IFT88: variants seen among roughly 807,000 people sequenced by gnomAD.
IFT88 encodes intraflagellar transport 88, also known as intraflagellar transport protein 88 homolog.
Under a neutral mutation model 119.5 loss-of-function variants are expected in IFT88, and 74 were observed. The ratio of observed to expected loss-of-function variants is 0.62; its 90% CI spans 0.51 to 0.75. The LOEUF is 0.75. IFT88 is among the 30% of genes least tolerant of loss of function. IFT88 has a pLI of 0.00. For missense variants in IFT88, 961 were observed against 977.7 expected (o/e 0.98, Z 0.23); for synonymous variants, 279 against 316.7 (o/e 0.88, Z 1.26).
At chr13:20,640,790 C>T (rs2049813009) in intron 17 of IFT88, among the ~76,000 whole-genome samples, 2 of 151,922 alleles carry the variant, frequency 1.3e-5, no homozygotes, top group African/African-American at 2.4e-5. Context: ...ATCACTGAAG[C>T]TTTGTAGCAT....
In IFT88 at chr13:20,615,839, G is replaced by A. The variant is rs749518522; in HGVS notation, c.1159G>A (p.Ala387Thr). ...KYIMTSAKLI[A>T]PVIETSFAAG... ...TATTATGACATCTGCAAAACTCATT[G>A]CTCCTGTAATTGAAACATCTTTTGC... The change falls in exon 14 of 26, where the codon GCT becomes ACT. Residue 387 changes from alanine (A) to threonine (T), a missense_variant. Ala to Thr is a moderately conservative substitution (Grantham distance 58). Coordinates refer to ENST00000351808, the MANE Select transcript of IFT88 (RefSeq NM_006531.5). The A allele has an allele frequency of 8.1e-6, 13 of 1,608,852 alleles. No homozygotes were observed. The South Asian group carries it at 1.2e-4, about 15-fold the overall frequency.
At chr13:20,647,559 T>C (rs1351992541) in intron 20 of IFT88, among the ~76,000 whole-genome samples, 1 of 152,340 alleles carries the variant, frequency 6.6e-6, no homozygotes, top group East Asian at 1.9e-4. Flanking sequence ...AAGCATAAAC[T>C]GTTGTTTTAT....
intron 24 of IFT88, among the ~76,000 whole-genome samples, chr13:20,680,496 G>A (rs979389277): frequency 2.0e-5 from 3 of 152,152 alleles, no homozygotes; most frequent in Non-Finnish European, 4.4e-5. Flanking sequence ...GCAGTCACTG[G>A]GGGAATACTC....
chr13:20,613,312 G>GATGCCCAATACACAC (rs1440303117), intron 13 of IFT88, among the ~76,000 whole-genome samples: 3 of 152,100 alleles, frequency 2.0e-5, no homozygotes, highest in East Asian at 3.8e-4. Context: ...TAGATACACA[G>GATGCCCAATACACAC]ATGCCCAATA....
At chr13:20,589,284 C>T (rs755127361) in intron 3 of IFT88, among the ~76,000 whole-genome samples, 1 of 152,128 alleles carries the variant, frequency 6.6e-6, no homozygotes, top group Non-Finnish European at 1.5e-5. Context: ...AACAGTTCTG[C>T]CTAACAACTA....
At chr13:20,635,201 G>T (rs775087233) in intron 16 of IFT88, among the ~76,000 whole-genome samples, 152 of 152,116 alleles carry the variant, frequency 1.0e-3, no homozygotes, top group Non-Finnish European at 1.7e-3. Context: ...TTCTATCATT[G>T]TTGGACATTT....
intron 1 of IFT88, among the ~76,000 whole-genome samples, chr13:20,571,571 C>T (rs1289030781): frequency 6.6e-6 from 1 of 152,024 alleles, no homozygotes; most frequent in Non-Finnish European, 1.5e-5. Context: ...CTGTCCAAGT[C>T]AAAATGTAGA....
At chr13:20,660,765 G>A (rs1021597345) in intron 22 of IFT88, among the ~76,000 whole-genome samples, 8 of 152,176 alleles carry the variant, frequency 5.3e-5, no homozygotes, top group African/African-American at 1.7e-4. Context: ...GGAAACTGGG[G>A]AAGAAGCAGC....
intron 22 of IFT88, 72 bp downstream of exon 22, chr13:20,656,502 T>C: frequency 1.6e-6 from 1 of 624,526 alleles, no homozygotes; most frequent in Non-Finnish European, 2.7e-6. Flanking sequence ...TATAATTACC[T>C]TTGCTACAGT....
At chr13:20,670,820 C>CTTTTTTTTT (rs397959694) in intron 23 of IFT88, among the ~76,000 whole-genome samples, 153 bp from the exon 24 acceptor site, 1 of 142,562 alleles carries the variant, frequency 7.0e-6, no homozygotes. Flanking sequence ...ACAACTCAGG[C>CTTTTTTTTT]TTTTTTTTTT....
rs973976836 is a variant in IFT88 at position 20,645,022 on chromosome 13, A to G, written c.1949+64A>G. 4 of 728,264 alleles carry G rather than the reference A, an allele frequency of 5.5e-6. No homozygotes were observed. In the Admixed American group the frequency reaches 6.3e-5, roughly 12 times the overall value. The allele number at this position is 728,264 out of a possible 1,614,324, so 45.1% of individuals were successfully genotyped here. A position where few individuals can be genotyped will look rare whatever the true frequency, so the allele number is the denominator to read the frequency against. ...TGTCTTGAGTTTTTTTAATCCCTAG[A>G]ATTAGTATCTGATAGACCTAGTAAA... On this transcript the variant is annotated intron_variant, in intron 20 of 25. Transcript: ENST00000351808.
At chr13:20,638,755 T>C (rs2049409901) in intron 17 of IFT88, among the ~76,000 whole-genome samples, 1 of 152,194 alleles carries the variant, frequency 6.6e-6, no homozygotes, top group Non-Finnish European at 1.5e-5. Flanking sequence ...CCAAAAAGGC[T>C]TTTCCATCAC....
chr13:20,655,239 C>T (rs571700583), intron 21 of IFT88, among the ~76,000 whole-genome samples: 2 of 152,050 alleles, frequency 1.3e-5, no homozygotes, highest in East Asian at 3.9e-4. Flanking sequence ...CGAGACCATC[C>T]TGGCCAACAT....
Position 20,574,369 on chromosome 13 carries a change from G to A in IFT88, c.-6-11G>A, listed in dbSNP as rs776432361. On this transcript the variant is annotated splice_polypyrimidine_tract_variant and intron_variant, in intron 1 of 25. Coordinates refer to ENST00000351808, the MANE Select transcript of IFT88 (RefSeq NM_006531.5). ...TACCAAGAACATATTTACACTGCCA[G>A]TTTTTCCTAGGTACAAATGATGCAA... 1.7e-5 allele frequency: 26 copies of A among 1,566,134 alleles called. No homozygotes were observed. The highest frequency in any genetic ancestry group is 2.2e-5 in the Non-Finnish European group (25 of 1,141,942).
chr13:20,633,825 G>A (rs888776637), intron 16 of IFT88, among the ~76,000 whole-genome samples: 4 of 152,150 alleles, frequency 2.6e-5, no homozygotes, highest in Admixed American at 1.3e-4. Flanking sequence ...TATATTGCTG[G>A]TATCCGGCAT....
At chr13:20,585,675 C>T (rs2039531744) in intron 3 of IFT88, among the ~76,000 whole-genome samples, 1 of 152,140 alleles carries the variant, frequency 6.6e-6, no homozygotes, top group African/African-American at 2.4e-5. Context: ...GTGGCCAAAG[C>T]CAGGGCAAAC....
intron 24 of IFT88, among the ~76,000 whole-genome samples, chr13:20,678,477 T>C (rs1193820857): frequency 6.6e-6 from 1 of 152,198 alleles, no homozygotes; most frequent in Non-Finnish European, 1.5e-5. Context: ...AAAGCATTTT[T>C]AGCAAGGAGC....
At chr13:20,671,067 C>T (rs754814233) in intron 24 of IFT88, 28 bp downstream of exon 24, 3 of 1,598,332 alleles carry the variant, frequency 1.9e-6, no homozygotes, top group Non-Finnish European at 2.6e-6. Flanking sequence ...CCCTGAAAAA[C>T]TTGGTTTCCA....
chr13:20,615,673 GT>G, intron 13 of IFT88, 119 bp from the exon 14 acceptor site: 1 of 525,760 alleles, frequency 1.9e-6, no homozygotes, highest in Admixed American at 3.5e-5. Context: ...CCTGTCCATT[GT>G]TTAGTAGGCT....
Sources: allele counts gnomAD v4.1 joint callset (sites outside exome capture counted in the v4.1 genomes callset), GRCh38; gene constraint gnomAD v4.1.1; transcripts MANE v1.5; gene names NCBI Gene and HGNC (gene_info 2026-07-23, HGNC 2026-07-21).